ZNF618: variants seen among roughly 807,000 people sequenced by gnomAD.
ZNF618 encodes neural precursor cell expressed, developmentally down-regulated 10.
ZNF618 carries 34 observed loss-of-function variants against 103.0 expected under a neutral mutation model. The ratio of observed to expected loss-of-function variants is 0.33; its 90% CI spans 0.25 to 0.44. The LOEUF (loss-of-function observed/expected upper bound fraction) is 0.44, where lower values mean the gene tolerates loss of function less well. Among genes scored for constraint, ZNF618 ranks in the 20% least tolerant of loss-of-function variants. ZNF618 has a pLI of 1.00. For synonymous variants in ZNF618, 551 were observed against 542.2 expected (o/e 1.02, Z -0.23); for missense variants, 1,059 against 1,295.4 (o/e 0.82, Z 2.80).
intron 1 of ZNF618, among the ~76,000 whole-genome samples, chr9:113,890,217 A>T (rs907444208): frequency 6.6e-6 from 1 of 152,236 alleles, no homozygotes; most frequent in East Asian, 1.9e-4. Flanking sequence ...CATGTTCATT[A>T]CAAAAACATT....
chr9:114,008,442 G>T (rs375628929), intron 8 of ZNF618, 35 bp from the exon 9 acceptor site: 32 of 1,613,468 alleles, frequency 2.0e-5, no homozygotes, highest in South Asian at 1.1e-5. Context: ...AGACCTGGGG[G>T]ACCAGGGTGC....
intron 13 of ZNF618, among the ~76,000 whole-genome samples, chr9:114,046,024 A>G (rs901320625): frequency 3.9e-5 from 6 of 152,110 alleles, no homozygotes; most frequent in African/African-American, 1.4e-4. Flanking sequence ...TGGAATGTTT[A>G]TCACTAGTAT....
chr9:113,909,789 G>GTT (rs5900064), intron 1 of ZNF618, among the ~76,000 whole-genome samples: 5 of 142,358 alleles, frequency 3.5e-5, no homozygotes, highest in Non-Finnish European at 6.2e-5. Context: ...TTTTTTGTTT[G>GTT]TTTTTTTTTT....
intron 1 of ZNF618, among the ~76,000 whole-genome samples, chr9:113,965,517 C>T (rs1837314615): frequency 6.6e-6 from 1 of 152,074 alleles, no homozygotes; most frequent in South Asian, 2.1e-4. Flanking sequence ...GGCTTAGATA[C>T]ACCTTCACCC....
At chr9:114,013,998 C>G (rs1842460267) in intron 9 of ZNF618, among the ~76,000 whole-genome samples, 1 of 152,066 alleles carries the variant, frequency 6.6e-6, no homozygotes, top group Non-Finnish European at 1.5e-5. Context: ...TGGTGATAGA[C>G]AGAAAAATGC....
intron 1 of ZNF618, among the ~76,000 whole-genome samples, chr9:113,963,981 C>G (rs1837109640): frequency 6.6e-6 from 1 of 152,184 alleles, no homozygotes; most frequent in Non-Finnish European, 1.5e-5. Flanking sequence ...TTAAATCTAG[C>G]TGGGGGAGGA....
At chr9:113,995,792 C>T (rs1411154934) in intron 3 of ZNF618, among the ~76,000 whole-genome samples, 1 of 152,082 alleles carries the variant, frequency 6.6e-6, no homozygotes, top group Non-Finnish European at 1.5e-5. Flanking sequence ...TTTCTGAGCC[C>T]GACACCAGTA....
At chr9:113,949,404 G>T (rs1835333917) in intron 1 of ZNF618, among the ~76,000 whole-genome samples, 1 of 152,142 alleles carries the variant, frequency 6.6e-6, no homozygotes, top group Non-Finnish European at 1.5e-5. Context: ...TGTCCTCTGT[G>T]TGGTCCGAGA....
intron 11 of ZNF618, among the ~76,000 whole-genome samples, chr9:114,031,788 T>C (rs1248754982): frequency 2.0e-5 from 3 of 152,126 alleles, no homozygotes; most frequent in Non-Finnish European, 4.4e-5. Flanking sequence ...ACATCCCAAA[T>C]TGACTGGTTC....
intron 13 of ZNF618, among the ~76,000 whole-genome samples, chr9:114,038,443 C>T (rs148073951): frequency 1.3e-4 from 20 of 152,328 alleles, no homozygotes; most frequent in African/African-American, 4.8e-4. Flanking sequence ...CAGCGCAAAG[C>T]CAGGCTGAAT....
At position 114,042,348 on chromosome 9, in the gene ZNF618, G is replaced by A. The variant is rs937319523; in HGVS notation, c.1247-5545G>A. On this transcript the variant is annotated intron_variant, in intron 13 of 14. Coordinates refer to ENST00000374126, the MANE Select transcript of ZNF618 (RefSeq NM_001318042.2). ...CAGTTTGATTGGTTTGGACAAATGTGTGCTGTTGTTTAACTACCATCACAA... is the reference window on the plus strand; with the variant it reads ...CAGTTTGATTGGTTTGGACAAATGTATGCTGTTGTTTAACTACCATCACAA... Among the ~76,000 whole-genome samples the A allele has an allele frequency of 2.0e-5, 3 of 152,166 alleles. No individual in the cohort carries two copies. The East Asian group carries it at 5.8e-4, about 29-fold the overall frequency.
At chr9:113,960,316 G>A (rs1836726168) in intron 1 of ZNF618, among the ~76,000 whole-genome samples, 1 of 152,190 alleles carries the variant, frequency 6.6e-6, no homozygotes. Context: ...ATTGCTTTTG[G>A]GGTGCATATG....
At chr9:113,983,984 A>G (rs981996884) in intron 2 of ZNF618, among the ~76,000 whole-genome samples, 4 of 152,170 alleles carry the variant, frequency 2.6e-5, no homozygotes, top group Admixed American at 2.6e-4. Context: ...GTCATTCAGC[A>G]AATACCATAT....
At chr9:113,962,469 A>T (rs893145907) in intron 1 of ZNF618, among the ~76,000 whole-genome samples, 4 of 152,142 alleles carry the variant, frequency 2.6e-5, no homozygotes, top group African/African-American at 9.7e-5. Context: ...AAAACCTTCT[A>T]GTGGCTTTCC....
intron 2 of ZNF618, among the ~76,000 whole-genome samples, chr9:113,976,862 T>C (rs556030281): frequency 6.6e-6 from 1 of 152,334 alleles, no homozygotes; most frequent in South Asian, 2.1e-4. Context: ...GAGTTCCTAT[T>C]AGATATATGG....
intron 1 of ZNF618, among the ~76,000 whole-genome samples, chr9:113,920,048 G>A (rs1832500058): frequency 6.6e-6 from 1 of 152,168 alleles, no homozygotes; most frequent in Admixed American, 6.5e-5. Context: ...CCAGGGCCCT[G>A]GCCTGAATGT....
At chr9:113,901,530 C>A (rs1046507758) in intron 1 of ZNF618, among the ~76,000 whole-genome samples, 3 of 152,256 alleles carry the variant, frequency 2.0e-5, no homozygotes, top group African/African-American at 7.2e-5. Context: ...TTAGCTGATA[C>A]ATCAGCGCCC....
At chr9:114,014,644 T>C (rs1265022974) in intron 9 of ZNF618, among the ~76,000 whole-genome samples, 1 of 152,240 alleles carries the variant, frequency 6.6e-6, no homozygotes, top group Non-Finnish European at 1.5e-5. Flanking sequence ...TGACAAATTA[T>C]CAAATTATTT....
chr9:114,016,288 C>A, intron 9 of ZNF618: 2 of 844,730 alleles, frequency 2.4e-6, no homozygotes, highest in Non-Finnish European at 3.8e-6. Context: ...GGTGTGGCCA[C>A]TGCAGAGGGC....
Sources: gnomAD v4.1 joint callset for allele counts (sites outside exome capture counted in the v4.1 genomes callset) on GRCh38, gnomAD v4.1.1 for gene constraint, MANE v1.5 for transcripts, NCBI Gene and HGNC (gene_info 2026-07-23, HGNC 2026-07-21) for gene names.